ZNF492: variants seen among roughly 807,000 people sequenced by gnomAD.
ZNF492 encodes zinc finger protein 115 (Y20).
In ZNF492, 3 loss-of-function variants were observed where a neutral mutation model predicts 6.4. The ratio of observed to expected loss-of-function variants is 0.47; its 90% CI spans 0.21 to 1.22. The LOEUF (loss-of-function observed/expected upper bound fraction) is 1.22, where lower values mean the gene tolerates loss of function less well. Among genes scored for constraint, ZNF492 ranks in the 50% most tolerant of loss-of-function variants. The pLI is 0.22. For synonymous variants in ZNF492, 112 were observed against 205.3 expected (o/e 0.55, Z 3.89); for missense variants, 356 against 612.5 (o/e 0.58, Z 4.42).
chr19:22,646,857 G>A (rs1971882306), intron 1 of ZNF492, among the ~76,000 whole-genome samples: 1 of 152,134 alleles, frequency 6.6e-6, no homozygotes. Context: ...CTGAATCCCA[G>A]GGATGAAGCC....
intron 1 of ZNF492, among the ~76,000 whole-genome samples, chr19:22,647,257 G>T (rs1299539237): frequency 8.6e-5 from 12 of 140,292 alleles, no homozygotes; most frequent in African/African-American, 1.1e-4. Context: ...TTTGTTTGTT[G>T]TTGTTTTTTT....
At chr19:22,647,244 T>C (rs1599397059) in intron 1 of ZNF492, among the ~76,000 whole-genome samples, 1 of 147,308 alleles carries the variant, frequency 6.8e-6, no homozygotes, top group East Asian at 2.0e-4. Context: ...TTTTTTTTGT[T>C]TGTTTGTTTG....
rs181880117 is a variant in ZNF492 at position 22,653,334 on chromosome 19, A to G, written c.-66A>G. 4.7e-5 allele frequency: 75 copies of G among 1,611,778 alleles called. No homozygotes were observed. Among genetic ancestry groups the G allele is most frequent in the Non-Finnish European group, 6.4e-5 (75 of 1,178,602 alleles). ...AGTGTTGACATTTAGGGATGTGGCC[A>G]TAGAATTCTCTCTGGAGGAGTGGCA... On this transcript the variant is annotated 5_prime_UTR_variant, in exon 2 of 4. Transcript: ENST00000456783.
chr19:22,641,756 CTTGAT>C (rs1347416520), intron 1 of ZNF492, among the ~76,000 whole-genome samples: 1 of 152,248 alleles, frequency 6.6e-6, no homozygotes, highest in Admixed American at 6.5e-5. Context: ...TCTCTAACAA[CTTGAT>C]TTATTTATGT....
At chr19:22,648,028 C>T (rs530477637) in intron 1 of ZNF492, among the ~76,000 whole-genome samples, 28 of 152,186 alleles carry the variant, frequency 1.8e-4, no homozygotes, top group African/African-American at 5.5e-4. Context: ...GTCACCGTTC[C>T]CCGACTTAGC....
intron 1 of ZNF492, among the ~76,000 whole-genome samples, chr19:22,649,353 C>T (rs2195953): frequency 6.6e-6 from 1 of 151,972 alleles, no homozygotes; most frequent in Non-Finnish European, 1.5e-5. Context: ...GTCTGACTAC[C>T]CTTAACATTT....
At chr19:22,648,406 G>A (rs1971905818) in intron 1 of ZNF492, among the ~76,000 whole-genome samples, 1 of 152,208 alleles carries the variant, frequency 6.6e-6, no homozygotes, top group Non-Finnish European at 1.5e-5. Flanking sequence ...GTGGCACTGA[G>A]AAGAATGTAT....
intron 1 of ZNF492, among the ~76,000 whole-genome samples, chr19:22,652,221 CTT>C (rs59051481): frequency 8.5e-5 from 9 of 105,490 alleles, no homozygotes; most frequent in Non-Finnish European, 1.0e-4. Context: ...CTTTCTTAGG[CTT>C]TTTTTTTTTT....
intron 1 of ZNF492, among the ~76,000 whole-genome samples, chr19:22,641,577 G>C (rs1971825680): frequency 6.6e-6 from 1 of 152,130 alleles, no homozygotes; most frequent in African/African-American, 2.4e-5. Flanking sequence ...ATACTATGTT[G>C]TTTTTAGATG....
intron 3 of ZNF492, among the ~76,000 whole-genome samples, chr19:22,659,518 T>A (rs1972032593): frequency 6.6e-6 from 1 of 151,600 alleles, no homozygotes; most frequent in South Asian, 2.1e-4. Context: ...TCTCTGTTAT[T>A]CTGTCAATGT....
chr19:22,636,955 AC>A, intron 1 of ZNF492, among the ~76,000 whole-genome samples: 1 of 102,658 alleles, frequency 9.7e-6, no homozygotes, highest in Non-Finnish European at 1.9e-5. Flanking sequence ...TTTTTAGTAA[AC>A]CTTTTTTTTT....
At chr19:22,641,857 G>A (rs8112564) in intron 1 of ZNF492, among the ~76,000 whole-genome samples, 29,415 of 151,896 alleles carry the variant, frequency 0.19, 3,700 homozygotes, top group African/African-American at 0.37. Flanking sequence ...GCAGTGGGGC[G>A]ATCTCGGCTC....
chr19:22,648,727 G>T (rs908649526), intron 1 of ZNF492, among the ~76,000 whole-genome samples: 3 of 152,044 alleles, frequency 2.0e-5, no homozygotes, highest in African/African-American at 7.2e-5. Flanking sequence ...TTAAATCTTT[G>T]TTGGTTTAAA....
In ZNF492 at chr19:22,663,991, AC is replaced by A. The variant is rs1190706274; in HGVS notation, c.325del (p.Gln109ArgfsTer11). On this transcript the variant is annotated frameshift_variant, in exon 4 of 4. Coordinates refer to ENST00000456783, the MANE Select transcript of ZNF492 (RefSeq NM_020855.3). LOFTEE classifies it low-confidence loss of function (END_TRUNC). The stretch of plus-strand genomic sequence containing the variant: ...TGGACTTAACCAGTGTTTGACGACT[AC>A]CCAGAACAAAATATTTCAATGTGAC... Reference protein sequence around the residue: ...YNGLNQCLTTTQNKIFQCDKY... With the variant: ...YNGLNQCLTTXQNKIFQCDKY... 1 of 1,611,724 alleles carries A rather than the reference AC, an allele frequency of 6.2e-7. No individual in the cohort carries two copies. The highest frequency in any genetic ancestry group is 8.5e-7 in the Non-Finnish European group (1 of 1,178,812).
chr19:22,664,565 A>G lies in ZNF492; in HGVS notation c.896A>G (p.His299Arg), dbSNP rs200457981. The G allele has an allele frequency of 6.9e-4, 1,109 of 1,601,920 alleles. 3 individuals carry two copies. The Admixed American group carries it at 7.6e-3, about 11-fold the overall frequency. The change falls in exon 4 of 4, where the codon CAT becomes CGT. Residue 299 changes from histidine to arginine, a missense_variant. Around this residue, in one of 7 missense-constraint regions of ZNF492, gnomAD observed 29 missense variants for 56.8 expected, o/e 0.51. Coordinates refer to ENST00000456783, the MANE Select transcript of ZNF492 (RefSeq NM_020855.3). Reference sequence around the variant, plus strand: ...AGCCAGTCCTCAACCCTTACTACACATAAGATAATTCATACTGGAGAGAAA... The same window carrying G: ...AGCCAGTCCTCAACCCTTACTACACGTAAGATAATTCATACTGGAGAGAAA... The part of the protein sequence containing the change: ...AFSQSSTLTT[H>R]KIIHTGEKFY...
chr19:22,653,362 G>T lies in ZNF492; in HGVS notation c.-38G>T, dbSNP rs4435388. 1 of 1,613,250 alleles carries T rather than the reference G, an allele frequency of 6.2e-7. No homozygotes were observed. The highest frequency in any genetic ancestry group is 2.2e-5 in the East Asian group (1 of 44,874). On this transcript the variant is annotated 5_prime_UTR_variant, in exon 2 of 4. It removes an upstream start codon present in the reference 5' UTR. Transcript: ENST00000456783. ...GAATTCTCTCTGGAGGAGTGGCAAT[G>T]CCTGGACACCGCACAGCAGAATTTA...
intron 1 of ZNF492, among the ~76,000 whole-genome samples, chr19:22,640,493 A>G (rs1398632773): frequency 1.3e-5 from 2 of 152,124 alleles, no homozygotes; most frequent in Non-Finnish European, 2.9e-5. Context: ...TGCATCCCCA[A>G]AATAAACTCT....
chr19:22,643,689 G>A (rs1971850891), intron 1 of ZNF492, among the ~76,000 whole-genome samples: 1 of 152,082 alleles, frequency 6.6e-6, no homozygotes, highest in Admixed American at 6.6e-5. Flanking sequence ...CAATCACATG[G>A]CCAGTTTGCA....
At chr19:22,660,121 A>G (rs1972043667) in intron 3 of ZNF492, among the ~76,000 whole-genome samples, 1 of 152,172 alleles carries the variant, frequency 6.6e-6, no homozygotes. Flanking sequence ...CATGAAATGT[A>G]TTCTTCCATC....
Sources: allele counts gnomAD v4.1 joint callset (sites outside exome capture counted in the v4.1 genomes callset), GRCh38; gene constraint gnomAD v4.1.1; regional missense constraint gnomAD v4.1.1; transcripts MANE v1.5; gene names NCBI Gene and HGNC (gene_info 2026-07-23, HGNC 2026-07-21).